Variants in PKNOX2 observed in about 807,000 individuals in gnomAD.
PKNOX2 encodes homeobox protein PKNOX2.
Under a neutral mutation model 53.1 loss-of-function variants are expected in PKNOX2, and 14 were observed. The observed-to-expected ratio is 0.26, with a 90% confidence interval of 0.17 to 0.41. PKNOX2 has a LOEUF of 0.41. Ranked by LOEUF, PKNOX2 falls within the 10% of genes least tolerant of loss-of-function variation. PKNOX2 has a pLI of 1.00. For synonymous variants in PKNOX2, 257 were observed against 242.8 expected (o/e 1.06, Z -0.54); for missense variants, 496 against 602.8 (o/e 0.82, Z 1.85).
At chr11:125,217,281 A>G (rs1940640105) in intron 1 of PKNOX2, among the ~76,000 whole-genome samples, 1 of 152,074 alleles carries the variant, frequency 6.6e-6, no homozygotes, top group Admixed American at 6.5e-5. Context: ...ACACCTTATT[A>G]GGCTTAATCA....
chr11:125,325,238 T>C (rs534040279), intron 2 of PKNOX2, among the ~76,000 whole-genome samples: 1 of 152,348 alleles, frequency 6.6e-6, no homozygotes, highest in East Asian at 1.9e-4. Flanking sequence ...TTCCTGCTTA[T>C]CCGTTCTTTC....
At chr11:125,286,857 T>C (rs1946937240) in intron 2 of PKNOX2, among the ~76,000 whole-genome samples, 1 of 152,246 alleles carries the variant, frequency 6.6e-6, no homozygotes, top group Non-Finnish European at 1.5e-5. Context: ...TTGGTCAGAA[T>C]GTGCAGGGAA....
At chr11:125,368,554 C>T (rs975014135) in intron 5 of PKNOX2, among the ~76,000 whole-genome samples, 3 of 152,220 alleles carry the variant, frequency 2.0e-5, no homozygotes, top group Non-Finnish European at 4.4e-5. Context: ...TTGGACCACA[C>T]TTGGATTCAT....
chr11:125,279,575 C>A (rs1946412925), intron 2 of PKNOX2, among the ~76,000 whole-genome samples: 2 of 152,218 alleles, frequency 1.3e-5, no homozygotes, highest in African/African-American at 4.8e-5. Flanking sequence ...CCCGTGGCCC[C>A]AGCATCTGAG....
chr11:125,357,092 G>A (rs887468043), intron 4 of PKNOX2, among the ~76,000 whole-genome samples: 23 of 152,210 alleles, frequency 1.5e-4, no homozygotes, highest in South Asian at 4.1e-4. Context: ...GCCCCTGGGG[G>A]CAACACCCCA....
intron 2 of PKNOX2, among the ~76,000 whole-genome samples, chr11:125,271,258 A>G (rs987717078): frequency 3.9e-5 from 6 of 152,220 alleles, no homozygotes; most frequent in African/African-American, 1.2e-4. Flanking sequence ...ACTTTGCTAC[A>G]AGTCCAGCTT....
rs559589288 is a variant in PKNOX2, at chr11:125,293,043, T to C, written c.-129-38776T>C. ...CAAGATGCCGGACAGCGTGGTAGAG[T>C]GTGCTGCCATTTATGTCAAAACCAC... On this transcript the variant is annotated intron_variant, in intron 2 of 12. Transcript: ENST00000298282. Among the ~76,000 whole-genome samples the C allele has an allele frequency of 9.9e-5, 15 of 152,024 alleles. No homozygotes were observed. In the South Asian group the frequency reaches 2.7e-3, roughly 27 times the overall value.
At chr11:125,268,718 T>C (rs1739936869) in intron 2 of PKNOX2, among the ~76,000 whole-genome samples, 2 of 150,260 alleles carry the variant, frequency 1.3e-5, no homozygotes, top group South Asian at 4.2e-4. Flanking sequence ...GTCTCTTGTT[T>C]CAAGAAGACA....
chr11:125,218,369 C>G (rs571795645), intron 1 of PKNOX2, among the ~76,000 whole-genome samples: 71 of 149,782 alleles, frequency 4.7e-4, no homozygotes, highest in African/African-American at 7.2e-4. Context: ...GGGGTTTGTG[C>G]AGCCATAGAG....
At chr11:125,207,784 G>T (rs935140536) in intron 1 of PKNOX2, among the ~76,000 whole-genome samples, 2 of 152,028 alleles carry the variant, frequency 1.3e-5, no homozygotes, top group African/African-American at 4.8e-5. Flanking sequence ...TAAGCATGTC[G>T]GGGGCATGGC....
At chr11:125,234,079 G>A (rs925950722) in intron 1 of PKNOX2, among the ~76,000 whole-genome samples, 1 of 151,664 alleles carries the variant, frequency 6.6e-6, no homozygotes, top group African/African-American at 2.4e-5. Context: ...CCCCGTCTTT[G>A]GAATGCCTTC....
At chr11:125,171,001 C>A (rs1034417841) in intron 1 of PKNOX2, among the ~76,000 whole-genome samples, 1 of 135,260 alleles carries the variant, frequency 7.4e-6, no homozygotes, top group Non-Finnish European at 1.7e-5. Flanking sequence ...GGAGCCAGAT[C>A]CAGATGGGCC....
At position 125,176,955 on chromosome 11, in the gene PKNOX2, G is replaced by T. The variant is rs114069835; in HGVS notation, c.-201+12179G>T. ...TTTAGAAAATGCAGGCATCCCTTCC[G>T]CATTCTTCCTACAGCCCCAGTTAGG... On this transcript the variant is annotated intron_variant, in intron 1 of 12. Coordinates refer to ENST00000298282, the MANE Select transcript of PKNOX2 (RefSeq NM_001382323.2). Among the ~76,000 whole-genome samples, 973 of 152,276 alleles carry T rather than the reference G, an allele frequency of 6.4e-3. 14 individuals carry two copies. Among genetic ancestry groups the T allele is most frequent in the African/African-American group, 0.022 (912 of 41,540 alleles).
intron 2 of PKNOX2, among the ~76,000 whole-genome samples, chr11:125,275,100 A>C (rs1026010109): frequency 6.6e-6 from 1 of 152,244 alleles, no homozygotes; most frequent in Non-Finnish European, 1.5e-5. Flanking sequence ...GAGTAGAATG[A>C]ATAAACAAGG....
chr11:125,281,858 T>C (rs1332930691), intron 2 of PKNOX2, among the ~76,000 whole-genome samples: 6 of 152,218 alleles, frequency 3.9e-5, no homozygotes, highest in African/African-American at 1.2e-4. Flanking sequence ...AATTTTATTT[T>C]TAGATCAACT....
At chr11:125,410,719 C>T (rs1955455398) in intron 8 of PKNOX2, 60 bp from the exon 9 acceptor site, 3 of 1,309,578 alleles carry the variant, frequency 2.3e-6, no homozygotes, top group South Asian at 2.4e-5. Flanking sequence ...GGGAACCCTG[C>T]TTGCCCTCGC....
chr11:125,178,510 CAAA>C (rs56057149), intron 1 of PKNOX2, among the ~76,000 whole-genome samples: 1 of 91,886 alleles, frequency 1.1e-5, no homozygotes, highest in Non-Finnish European at 2.1e-5. Flanking sequence ...AACTCTGTCT[CAAA>C]AAAAAAAAAG....
chr11:125,178,589 G>A (rs60599291), intron 1 of PKNOX2, among the ~76,000 whole-genome samples: 379 of 32,972 alleles, frequency 0.011, 1 homozygote, highest in African/African-American at 0.043. Context: ...AAGGAAGGAA[G>A]GAAGGAAGGA....
At chr11:125,385,989 G>C (rs375746438) in intron 6 of PKNOX2, among the ~76,000 whole-genome samples, 3 of 152,300 alleles carry the variant, frequency 2.0e-5, no homozygotes, top group East Asian at 3.9e-4. Flanking sequence ...CCCTTTTACA[G>C]TGCAGACAGG....
Sources: gnomAD v4.1 joint callset for allele counts (sites outside exome capture counted in the v4.1 genomes callset) on GRCh38, gnomAD v4.1.1 for gene constraint, MANE v1.5 for transcripts, NCBI Gene and HGNC (gene_info 2026-07-23, HGNC 2026-07-21) for gene names.